ZNF423: variants seen among roughly 807,000 people sequenced by gnomAD.
The protein encoded by ZNF423 is zinc finger protein 423, also known as Ebf-associated zinc finger protein.
ZNF423 carries 12 observed loss-of-function variants against 95.8 expected under a neutral mutation model. The observed-to-expected ratio is 0.13, with a 90% confidence interval of 0.08 to 0.20. ZNF423 has a LOEUF of 0.20. Ranked by LOEUF, ZNF423 falls within the 10% of genes least tolerant of loss-of-function variation. ZNF423 has a pLI of 1.00. For missense variants in ZNF423, 1,316 were observed against 1,737.1 expected, an observed-to-expected ratio of 0.76 and a Z score of 4.31; for synonymous variants, 749 against 711.9, an observed-to-expected ratio of 1.05 and a Z score of -0.83.
chr16:49,576,952 G>C (rs1267499395), intron 5 of ZNF423, among the ~76,000 whole-genome samples: 1 of 152,190 alleles, frequency 6.6e-6, no homozygotes, highest in African/African-American at 2.4e-5. Context: ...CAGAATTTGG[G>C]GGCCAGAAAC....
chr16:49,669,625 C>T (rs1046706925), intron 3 of ZNF423, among the ~76,000 whole-genome samples: 1 of 152,222 alleles, frequency 6.6e-6, no homozygotes, highest in Non-Finnish European at 1.5e-5. Context: ...ACCTAGAGAC[C>T]CCTTGGAAAG....
At chr16:49,577,024 G>C (rs1006540932) in intron 5 of ZNF423, among the ~76,000 whole-genome samples, 3 of 152,202 alleles carry the variant, frequency 2.0e-5, no homozygotes, top group African/African-American at 7.2e-5. Context: ...AAATAACTGA[G>C]ATGTGCCAAA....
At chr16:49,589,297 T>G (rs1265522075) in intron 5 of ZNF423, among the ~76,000 whole-genome samples, 2 of 152,188 alleles carry the variant, frequency 1.3e-5, no homozygotes, top group Non-Finnish European at 2.9e-5. Context: ...TAGGAACTCT[T>G]GAGCCATCCA....
chr16:49,562,650 T>G (rs1027558862), intron 5 of ZNF423, among the ~76,000 whole-genome samples: 1 of 152,246 alleles, frequency 6.6e-6, no homozygotes, highest in Non-Finnish European at 1.5e-5. Context: ...GTGGAAGAGA[T>G]TCATGAACGG....
upstream of ZNF423, among the ~76,000 whole-genome samples, chr16:49,858,346 G>C (rs2035394157): frequency 6.6e-6 from 1 of 151,682 alleles, no homozygotes; most frequent in South Asian, 2.1e-4. This position sits in a 1 kb window ranked among gnomAD's most constrained non-coding sequence, Gnocchi z 4.3. Context: ...GCCGGGCCCT[G>C]CTCGCCAACC....
chr16:49,503,626 G>A (rs1047416165), intron 7 of ZNF423, among the ~76,000 whole-genome samples: 4 of 151,988 alleles, frequency 2.6e-5, no homozygotes, highest in East Asian at 3.9e-4. Flanking sequence ...TCACAACATC[G>A]CTCTGCACCT....
chr16:49,598,609 G>A (rs568879007), intron 5 of ZNF423, among the ~76,000 whole-genome samples: 52 of 152,320 alleles, frequency 3.4e-4, no homozygotes, highest in African/African-American at 1.2e-3. Flanking sequence ...AACTGGGTAG[G>A]GCATTCCACT....
chr16:49,737,629 A>G (rs903042976), intron 2 of ZNF423, among the ~76,000 whole-genome samples: 2 of 152,236 alleles, frequency 1.3e-5, no homozygotes, highest in African/African-American at 4.8e-5. Context: ...GGCAGGGGAC[A>G]GCTGGCTGGG....
At chr16:49,745,794 C>T (rs2033510323) in intron 2 of ZNF423, among the ~76,000 whole-genome samples, 1 of 152,106 alleles carries the variant, frequency 6.6e-6, no homozygotes, top group Non-Finnish European at 1.5e-5. Context: ...CTGACCCCCT[C>T]GTGTTAAGAA....
intron 2 of ZNF423, among the ~76,000 whole-genome samples, chr16:49,737,273 C>CT (rs111245304): frequency 0.037 from 5,389 of 143,984 alleles, 315 homozygotes; most frequent in African/African-American, 0.13. Flanking sequence ...GATCCTGACT[C>CT]TTTTTTTTTT....
intron 2 of ZNF423, among the ~76,000 whole-genome samples, chr16:49,744,499 G>A (rs1319185214): frequency 1.4e-5 from 2 of 147,520 alleles, no homozygotes; most frequent in African/African-American, 5.4e-5. Context: ...ACGAGGCCAG[G>A]CGGGGTGTCC....
At chr16:49,499,719 G>A (rs1967315636) in intron 7 of ZNF423, among the ~76,000 whole-genome samples, 1 of 152,132 alleles carries the variant, frequency 6.6e-6, no homozygotes, top group Non-Finnish European at 1.5e-5. Context: ...TCAGTTCCAT[G>A]AGCAGGAAAC....
At chr16:49,494,085 G>A (rs1416129416) in intron 7 of ZNF423, among the ~76,000 whole-genome samples, 2 of 152,158 alleles carry the variant, frequency 1.3e-5, no homozygotes, top group Non-Finnish European at 2.9e-5. Context: ...TGACACACAT[G>A]GCCCACACTG....
intron 1 of ZNF423, among the ~76,000 whole-genome samples, chr16:49,840,487 C>T (rs965026805): frequency 5.3e-5 from 8 of 152,206 alleles, no homozygotes; most frequent in Non-Finnish European, 1.2e-4. Flanking sequence ...TCAGGTTAAA[C>T]ACAATGCTCC....
chr16:49,847,361 G>A (rs889445327), intron 1 of ZNF423: 2 of 152,292 alleles, frequency 1.3e-5, no homozygotes, highest in East Asian at 1.9e-4. Context: ...GGCAGGCATA[G>A]GGGCCACAAG....
chr16:49,514,018 C>G (rs1478220103), intron 7 of ZNF423, among the ~76,000 whole-genome samples: 1 of 151,924 alleles, frequency 6.6e-6, no homozygotes, highest in African/African-American at 2.4e-5. Context: ...GCTTGCCCCT[C>G]TAGTCCCTCT....
chr16:49,844,059 C>T (rs1299509703), intron 1 of ZNF423, among the ~76,000 whole-genome samples: 1 of 151,400 alleles, frequency 6.6e-6, no homozygotes, highest in Non-Finnish European at 1.5e-5. Context: ...TCTGAAAGCC[C>T]GAGGTGGGAG....
intron 5 of ZNF423, among the ~76,000 whole-genome samples, chr16:49,622,985 A>G (rs1172923367): frequency 6.6e-6 from 1 of 152,026 alleles, no homozygotes; most frequent in Non-Finnish European, 1.5e-5. Context: ...GCAACTCTCA[A>G]CATGCCATAG....
At chr16:49,794,524 A>C (rs1174048683) in intron 1 of ZNF423, among the ~76,000 whole-genome samples, 1 of 152,212 alleles carries the variant, frequency 6.6e-6, no homozygotes, top group Non-Finnish European at 1.5e-5. Context: ...TGCTGGGGCC[A>C]GGCAGTGGAC....
Sources: allele counts gnomAD v4.1 joint callset (sites outside exome capture counted in the v4.1 genomes callset), GRCh38; gene constraint gnomAD v4.1.1; non-coding constraint Gnocchi (gnomAD v3.1); transcripts MANE v1.5; gene names NCBI Gene and HGNC (gene_info 2026-07-23, HGNC 2026-07-21).